RBMS3: variants seen among roughly 807,000 people sequenced by gnomAD.
RBMS3 encodes RNA binding motif single stranded interacting protein 3.
Under a neutral mutation model 66.8 loss-of-function variants are expected in RBMS3, and 27 were observed. The ratio of observed to expected loss-of-function variants is 0.40; its 90% CI spans 0.30 to 0.56. The LOEUF is 0.56. Among genes scored for constraint, RBMS3 ranks in the 20% least tolerant of loss-of-function variants. The pLI is 0.40. For missense variants in RBMS3, 513 were observed against 549.5 expected (o/e 0.93, Z 0.66); for synonymous variants, 188 against 183.0 (o/e 1.03, Z -0.22).
intron 10 of RBMS3, among the ~76,000 whole-genome samples, chr3:29,905,467 T>C (rs2060354483): frequency 6.6e-6 from 1 of 152,060 alleles, no homozygotes; most frequent in Non-Finnish European, 1.5e-5. Flanking sequence ...ATGGAACCAA[T>C]TGCCATAACA....
intron 12 of RBMS3, 29 bp from the exon 13 acceptor site, chr3:29,988,114 C>T: frequency 1.9e-6 from 3 of 1,549,246 alleles, no homozygotes; most frequent in Non-Finnish European, 2.7e-6. Context: ...GCTCAAAGTT[C>T]ACATGCATTT....
intron 1 of RBMS3, among the ~76,000 whole-genome samples, chr3:29,343,887 A>T (rs1575582478): frequency 6.6e-6 from 1 of 152,224 alleles, no homozygotes; most frequent in African/African-American, 2.4e-5. Context: ...GCACACTGGT[A>T]GTTTGCCTCC....
At chr3:30,000,889 G>C (rs1055436243) in intron 14 of RBMS3, among the ~76,000 whole-genome samples, 13 of 152,044 alleles carry the variant, frequency 8.6e-5, no homozygotes, top group Non-Finnish European at 1.6e-4. Context: ...GCCTGTCAGG[G>C]AGTGGGGGAC....
At chr3:29,999,150 A>T (rs1438095042) in intron 14 of RBMS3, among the ~76,000 whole-genome samples, 1 of 152,250 alleles carries the variant, frequency 6.6e-6, no homozygotes, top group Non-Finnish European at 1.5e-5. Context: ...CAGCCACAAG[A>T]CACATGAAAA....
chr3:29,684,624 T>C (rs894168418), intron 4 of RBMS3, among the ~76,000 whole-genome samples: 1 of 152,182 alleles, frequency 6.6e-6, no homozygotes, highest in Non-Finnish European at 1.5e-5. Flanking sequence ...GACATAAAAA[T>C]TTTCCTTATA....
intron 6 of RBMS3, among the ~76,000 whole-genome samples, chr3:29,858,845 G>C (rs2059143271): frequency 6.6e-6 from 1 of 152,106 alleles, no homozygotes; most frequent in African/African-American, 2.4e-5. Flanking sequence ...AAAACAGAGA[G>C]GAGATCTTGA....
At chr3:29,397,128 G>A (rs1428634663) in intron 1 of RBMS3, among the ~76,000 whole-genome samples, 1 of 152,076 alleles carries the variant, frequency 6.6e-6, no homozygotes, top group African/African-American at 2.4e-5. Context: ...TTCGTAAAGG[G>A]AGAACTGCAG....
intron 4 of RBMS3, among the ~76,000 whole-genome samples, chr3:29,679,660 T>A (rs1450273903): frequency 1.3e-5 from 2 of 152,020 alleles, no homozygotes; most frequent in African/African-American, 4.8e-5. Context: ...TCCTACTCCT[T>A]TGGAATTTTA....
intron 3 of RBMS3, among the ~76,000 whole-genome samples, chr3:29,539,334 T>C (rs1009170997): frequency 2.0e-5 from 3 of 152,196 alleles, no homozygotes; most frequent in East Asian, 1.9e-4. Context: ...TTTGTAGCAA[T>C]TTAGAATCAT....
At chr3:29,791,964 T>C (rs949685348) in intron 6 of RBMS3, among the ~76,000 whole-genome samples, 2 of 152,244 alleles carry the variant, frequency 1.3e-5, no homozygotes, top group African/African-American at 4.8e-5. Flanking sequence ...TGAAATATAA[T>C]GAAAAATCTT....
chr3:29,968,035 C>G (rs145233669), intron 12 of RBMS3, among the ~76,000 whole-genome samples: 4 of 152,252 alleles, frequency 2.6e-5, no homozygotes, highest in Non-Finnish European at 5.9e-5. Flanking sequence ...TCTTGTTTCT[C>G]TAGTTCTGTA....
At chr3:29,477,134 C>A (rs1181516413) in intron 2 of RBMS3, among the ~76,000 whole-genome samples, 1 of 151,944 alleles carries the variant, frequency 6.6e-6, no homozygotes, top group Non-Finnish European at 1.5e-5. Context: ...ATACAAATTT[C>A]ATAAAGTATT....
chr3:29,605,683 T>A (rs1189567793), intron 4 of RBMS3, among the ~76,000 whole-genome samples: 2 of 151,948 alleles, frequency 1.3e-5, no homozygotes, highest in Non-Finnish European at 2.9e-5. Flanking sequence ...ATGCTTGACT[T>A]TGGCAGTTCA....
intron 6 of RBMS3, among the ~76,000 whole-genome samples, chr3:29,782,957 C>T (rs928051963): frequency 6.6e-5 from 10 of 151,740 alleles, no homozygotes; most frequent in Admixed American, 3.9e-4. Context: ...ACTGGGCTTT[C>T]GAATTAACCC....
chr3:29,922,186 T>C (rs547979196), intron 10 of RBMS3, among the ~76,000 whole-genome samples: 3 of 152,322 alleles, frequency 2.0e-5, no homozygotes, highest in East Asian at 1.9e-4. Flanking sequence ...CTCAGTTATT[T>C]CACAGCAAGA....
At chr3:29,623,685 G>C (rs1474917948) in intron 4 of RBMS3, among the ~76,000 whole-genome samples, 1 of 151,412 alleles carries the variant, frequency 6.6e-6, no homozygotes, top group East Asian at 1.9e-4. Flanking sequence ...ATTTTTAAAA[G>C]ATTATAATTG....
At chr3:29,652,262 T>G (rs2149215319) in intron 4 of RBMS3, among the ~76,000 whole-genome samples, 2 of 152,280 alleles carry the variant, frequency 1.3e-5, no homozygotes, top group East Asian at 3.9e-4. Flanking sequence ...TTTATACATA[T>G]AAATTCTTAT....
intron 6 of RBMS3, among the ~76,000 whole-genome samples, chr3:29,860,957 C>T (rs12629866): frequency 0.017 from 2,612 of 152,218 alleles, 36 homozygotes; most frequent in Non-Finnish European, 0.028. Flanking sequence ...TCCGCCTCCC[C>T]GGTTCACGCC....
chr3:29,737,053 T>G (rs1457727347), intron 4 of RBMS3, among the ~76,000 whole-genome samples: 1 of 152,010 alleles, frequency 6.6e-6, no homozygotes, highest in Non-Finnish European at 1.5e-5. Flanking sequence ...CTCAGCTCAC[T>G]GCAAGCTCCG....
Sources: allele counts gnomAD v4.1 joint callset (sites outside exome capture counted in the v4.1 genomes callset), GRCh38; gene constraint gnomAD v4.1.1; transcripts MANE v1.5; gene names NCBI Gene and HGNC (gene_info 2026-07-23, HGNC 2026-07-21).